Variants in CHLSN observed in about 807,000 individuals in gnomAD.
CHLSN encodes cholesin, also known as protein cholesin.
At chr7:1,109,521 T>G in the CHLSN span, 2 of 152,200 alleles carry the variant, frequency 1.3e-5, no homozygotes, top group East Asian at 3.9e-4. Context: ...AGTGTAACAC[T>G]CCATTTCACT....
chr7:1,095,881 G>C, the CHLSN span, among the ~76,000 whole-genome samples: 101 of 152,380 alleles, frequency 6.6e-4, no homozygotes, highest in African/African-American at 2.1e-3. Flanking sequence ...TGGGCATCGA[G>C]GGGTCACCCA....
At chr7:1,011,269 A>C in the CHLSN span, among the ~76,000 whole-genome samples, 1 of 107,458 alleles carries the variant, frequency 9.3e-6, no homozygotes, top group Non-Finnish European at 1.8e-5. Context: ...CAACACACCC[A>C]CACCCAGATA....
At chr7:1,038,256 G>C in the CHLSN span, among the ~76,000 whole-genome samples, 1 of 97,086 alleles carries the variant, frequency 1.0e-5, no homozygotes, top group East Asian at 3.1e-4. Flanking sequence ...GAGGGAGGTG[G>C]GGGGGTCAGC....
chr7:1,094,180 C>T, the CHLSN span, among the ~76,000 whole-genome samples: 1 of 152,228 alleles, frequency 6.6e-6, no homozygotes, highest in Admixed American at 6.5e-5. Context: ...GAGCAGCCGG[C>T]CGGGAAGGTT....
chr7:1,096,691 G>A, the CHLSN span, among the ~76,000 whole-genome samples: 1 of 152,216 alleles, frequency 6.6e-6, no homozygotes, highest in Non-Finnish European at 1.5e-5. This position sits in a 1 kb window ranked among gnomAD's most constrained non-coding sequence, Gnocchi z 4.6. Context: ...CTGCAAGCAT[G>A]GGAAAAACCC....
chr7:1,053,250 T>G, the CHLSN span, among the ~76,000 whole-genome samples: 83,151 of 152,210 alleles, frequency 0.55, 23,204 homozygotes, highest in African/African-American at 0.59. Context: ...CCCCTCTGCG[T>G]CCAGGCAGGC....
the CHLSN span, chr7:1,086,920 C>T: frequency 1.3e-5 from 2 of 152,358 alleles, no homozygotes; most frequent in Non-Finnish European, 2.9e-5. Flanking sequence ...CTGAAGTTCC[C>T]TTCTGAGGAA....
the CHLSN span, among the ~76,000 whole-genome samples, chr7:1,027,468 C>T: frequency 1.3e-5 from 2 of 152,206 alleles, no homozygotes; most frequent in Non-Finnish European, 2.9e-5. Flanking sequence ...CTGCCCGGGC[C>T]ACCGCCTCCT....
chr7:1,067,152 TTGG>T, the CHLSN span, among the ~76,000 whole-genome samples: 8 of 133,248 alleles, frequency 6.0e-5, no homozygotes, highest in South Asian at 2.6e-4. Context: ...GCACAGTCTG[TTGG>T]TGGAGGCTGG....
At chr7:1,030,443 C>T in the CHLSN span, among the ~76,000 whole-genome samples, 1 of 152,174 alleles carries the variant, frequency 6.6e-6, no homozygotes, top group Non-Finnish European at 1.5e-5. Flanking sequence ...CCGGGCTGGG[C>T]CACTAGCCCC....
At chr7:1,136,225 TATAA>T in the CHLSN span, among the ~76,000 whole-genome samples, 1 of 115,572 alleles carries the variant, frequency 8.7e-6, no homozygotes, top group African/African-American at 3.5e-5. Flanking sequence ...TATAAACATA[TATAA>T]ATATATAAAA....
At chr7:1,125,858 T>C in the CHLSN span, among the ~76,000 whole-genome samples, 6 of 152,334 alleles carry the variant, frequency 3.9e-5, no homozygotes, top group Admixed American at 3.9e-4. Context: ...TTTCACTTTA[T>C]GTAGAATCAT....
the CHLSN span, chr7:1,000,356 G>T: frequency 1.3e-6 from 1 of 794,220 alleles, no homozygotes; most frequent in Non-Finnish European, 1.8e-6. Flanking sequence ...CTCAGCCCCC[G>T]GGAGACGTGC....
At chr7:1,111,579 C>T in the CHLSN span, among the ~76,000 whole-genome samples, 2 of 152,192 alleles carry the variant, frequency 1.3e-5, no homozygotes, top group Non-Finnish European at 2.9e-5. Context: ...GCGAGAGGAT[C>T]GCTTGAGCCT....
the CHLSN span, chr7:1,010,062 T>C: frequency 8.0e-5 from 129 of 1,612,554 alleles, no homozygotes; most frequent in East Asian, 1.4e-3. Flanking sequence ...CGTTCCTTTT[T>C]CAGCTTCCTT....
the CHLSN span, among the ~76,000 whole-genome samples, chr7:1,066,913 G>A: frequency 3.9e-3 from 570 of 144,632 alleles, 3 homozygotes; most frequent in African/African-American, 0.014. Context: ...GGCGGAGGCT[G>A]GAGTGCACCC....
At chr7:1,054,047 C>T in the CHLSN span, among the ~76,000 whole-genome samples, 1 of 152,180 alleles carries the variant, frequency 6.6e-6, no homozygotes, top group Non-Finnish European at 1.5e-5. Context: ...GACCTGCCTT[C>T]CTTCCATGCC....
chr7:1,115,842 C>T, the CHLSN span, among the ~76,000 whole-genome samples: 3,837 of 116,782 alleles, frequency 0.033, 640 homozygotes, highest in Non-Finnish European at 0.04. Context: ...CTTCCATCAC[C>T]GACGCCCACG....
chr7:1,106,217 G>A, the CHLSN span, among the ~76,000 whole-genome samples: 4 of 152,164 alleles, frequency 2.6e-5, no homozygotes, highest in African/African-American at 7.2e-5. Context: ...CCAGCCACGC[G>A]GACTCTCCAC....
Sources: allele counts gnomAD v4.1 joint callset (sites outside exome capture counted in the v4.1 genomes callset), GRCh38; gene constraint gnomAD v4.1.1; non-coding constraint Gnocchi (gnomAD v3.1); transcripts MANE v1.5; gene names NCBI Gene and HGNC (gene_info 2026-07-23, HGNC 2026-07-21).